Variants in PIK3AP1 observed in about 807,000 individuals in gnomAD.
PIK3AP1 encodes phosphoinositide 3-kinase adapter protein 1.
In PIK3AP1, 21 loss-of-function variants were observed where a neutral mutation model predicts 88.1. That is an observed-to-expected ratio of 0.24 (90% CI 0.17 to 0.34). The LOEUF (loss-of-function observed/expected upper bound fraction) is 0.34, where lower values mean the gene tolerates loss of function less well. PIK3AP1 is among the 10% of genes least tolerant of loss of function. The pLI is 1.00. For synonymous variants in PIK3AP1, 398 were observed against 400.0 expected (o/e 1.00, Z 0.06); for missense variants, 828 against 1,035.7 (o/e 0.80, Z 2.75).
chr10:96,618,941 C>T (rs770582800), intron 12 of PIK3AP1, among the ~76,000 whole-genome samples: 8 of 152,236 alleles, frequency 5.3e-5, no homozygotes, highest in Admixed American at 2.0e-4. Context: ...TGCCCTCCCA[C>T]CCTTCAGGCC....
chr10:96,692,851 G>C (rs543688321), intron 2 of PIK3AP1, among the ~76,000 whole-genome samples: 8 of 152,234 alleles, frequency 5.3e-5, no homozygotes, highest in Non-Finnish European at 2.9e-5. Context: ...CAAAATAAAA[G>C]TCCCAATCAA....
chr10:96,606,081 T>TCAAAAACAAAAA (rs559578237), intron 14 of PIK3AP1, among the ~76,000 whole-genome samples: 1 of 152,118 alleles, frequency 6.6e-6, no homozygotes, highest in Non-Finnish European at 1.5e-5. Flanking sequence ...AGACTCCGTC[T>TCAAAAACAAAAA]CAAAAACAAA....
intron 1 of PIK3AP1, among the ~76,000 whole-genome samples, chr10:96,714,626 C>T (rs900377587): frequency 1.3e-5 from 2 of 152,188 alleles, no homozygotes; most frequent in African/African-American, 4.8e-5. Context: ...TTAAATACTT[C>T]CTGGGGCAGG....
intron 3 of PIK3AP1, among the ~76,000 whole-genome samples, chr10:96,656,092 AG>A (rs1308394996): frequency 4.6e-5 from 7 of 152,226 alleles, no homozygotes; most frequent in African/African-American, 1.7e-4. Flanking sequence ...GAGCCTGCAA[AG>A]CCATCTTAGC....
intron 16 of PIK3AP1, among the ~76,000 whole-genome samples, chr10:96,598,259 C>T (rs530320464): frequency 3.3e-5 from 5 of 151,994 alleles, no homozygotes; most frequent in African/African-American, 1.2e-4. Context: ...CCAAGTTGCC[C>T]AGGCTGGTCT....
At chr10:96,623,404 C>T in intron 11 of PIK3AP1, 68 bp downstream of exon 11, 1 of 1,417,922 alleles carries the variant, frequency 7.1e-7, no homozygotes, top group Non-Finnish European at 9.9e-7. Flanking sequence ...TATTGTTACA[C>T]TTGGAAATCA....
At chr10:96,616,766 A>C in intron 12 of PIK3AP1, 55 bp from the exon 13 acceptor site, 1 of 1,511,318 alleles carries the variant, frequency 6.6e-7, no homozygotes, top group Non-Finnish European at 9.2e-7. Context: ...TACCCTCTGG[A>C]CATGAGAGTT....
chr10:96,615,821 G>A (rs1199795299), intron 13 of PIK3AP1, among the ~76,000 whole-genome samples: 3 of 152,176 alleles, frequency 2.0e-5, no homozygotes, highest in African/African-American at 7.2e-5. Context: ...GCCCAACTAG[G>A]TTCATGGGAA....
chr10:96,675,498 G>A (rs1355361097), intron 2 of PIK3AP1, among the ~76,000 whole-genome samples: 1 of 152,174 alleles, frequency 6.6e-6, no homozygotes, highest in Non-Finnish European at 1.5e-5. Context: ...TGGATTCAGA[G>A]GGTGGCACAG....
At chr10:96,710,209 T>C (rs980520167) in intron 1 of PIK3AP1, among the ~76,000 whole-genome samples, 1 of 135,054 alleles carries the variant, frequency 7.4e-6, no homozygotes, top group Non-Finnish European at 1.6e-5. Flanking sequence ...TACCACGCTG[T>C]TTTATTATTT....
At chr10:96,669,840 G>C (rs1030415276) in intron 2 of PIK3AP1, among the ~76,000 whole-genome samples, 1 of 151,972 alleles carries the variant, frequency 6.6e-6, no homozygotes, top group Non-Finnish European at 1.5e-5. Flanking sequence ...CTTGTACGAT[G>C]AGACTATAAA....
rs1844558070 is a variant in PIK3AP1 at position 96,720,499 on chromosome 10, G to C, written c.-105C>G. ...TGGAGGGGCGCCGGGCTCCGCGCGG[G>C]ACCGGCCGCCGCTCTGGCGCTTCCT... On this transcript the variant is annotated 5_prime_UTR_variant, in exon 1 of 17. Transcript: ENST00000339364. The surrounding 1 kb of genome is among the most constrained non-coding windows in gnomAD (Gnocchi z 4.6). 1.9e-6 allele frequency: 2 copies of C among 1,059,938 alleles called. No individual in the cohort carries two copies. The highest frequency in any genetic ancestry group is 9.2e-5 in the Admixed American group (2 of 21,764). 65.7% of individuals were successfully genotyped at this position (1,059,938 alleles called of 1,614,324 possible).
intron 2 of PIK3AP1, among the ~76,000 whole-genome samples, chr10:96,680,415 G>A (rs908665812): frequency 1.3e-5 from 2 of 152,018 alleles, no homozygotes; most frequent in Admixed American, 6.6e-5. Flanking sequence ...CAGGTACTAA[G>A]CCTAGTATCC....
intron 2 of PIK3AP1, among the ~76,000 whole-genome samples, chr10:96,684,486 T>C (rs1438657357): frequency 6.6e-6 from 1 of 152,202 alleles, no homozygotes; most frequent in Non-Finnish European, 1.5e-5. Context: ...AAGTCTGATC[T>C]GGGAGCAGAC....
Position 96,633,123 on chromosome 10 carries a change from A to C in PIK3AP1, c.1376-4630T>G. On this transcript the variant is annotated intron_variant, in intron 8 of 16. Transcript: ENST00000339364. ...GCGGAGCTTCCAGGGTCACCATGAG[A>C]GGTATGCCAGAGTCAATGCCCTCAG... 3 of 1,491,680 alleles carry C rather than the reference A, an allele frequency of 2.0e-6. No individual in the cohort carries two copies. The South Asian group carries it at 4.0e-5, about 20-fold the overall frequency. 92.4% of individuals were successfully genotyped at this position (1,491,680 alleles called of 1,614,324 possible).
intron 8 of PIK3AP1, among the ~76,000 whole-genome samples, chr10:96,629,972 A>G (rs1843223578): frequency 1.3e-5 from 2 of 148,746 alleles, no homozygotes; most frequent in Admixed American, 1.3e-4. Flanking sequence ...GAAAAAAGAA[A>G]AGAAAAGAAA....
intron 5 of PIK3AP1, 46 bp downstream of exon 5, chr10:96,651,463 G>T: frequency 1.2e-6 from 2 of 1,613,988 alleles, no homozygotes; most frequent in Non-Finnish European, 1.7e-6. Flanking sequence ...GCCATGAGCA[G>T]AAATTACATG....
intron 16 of PIK3AP1, among the ~76,000 whole-genome samples, chr10:96,601,976 C>T (rs922485410): frequency 1.3e-5 from 2 of 152,130 alleles, no homozygotes; most frequent in African/African-American, 4.8e-5. Flanking sequence ...CTCTGCCTCC[C>T]GGGTTCAAGC....
intron 2 of PIK3AP1, among the ~76,000 whole-genome samples, chr10:96,695,407 G>T (rs1246466463): frequency 6.6e-6 from 1 of 152,172 alleles, no homozygotes. Flanking sequence ...AACATTAGCT[G>T]TACATGTAAA....
Sources: allele counts gnomAD v4.1 joint callset (sites outside exome capture counted in the v4.1 genomes callset), GRCh38; gene constraint gnomAD v4.1.1; non-coding constraint Gnocchi (gnomAD v3.1); transcripts MANE v1.5; gene names NCBI Gene and HGNC (gene_info 2026-07-23, HGNC 2026-07-21).